PGGT1B: variants seen among roughly 807,000 people sequenced by gnomAD.
PGGT1B encodes geranylgeranyl transferase type-1 subunit beta.
Under a neutral mutation model 46.1 loss-of-function variants are expected in PGGT1B, and 30 were observed. That is an observed-to-expected ratio of 0.65 (90% CI 0.49 to 0.88). PGGT1B has a LOEUF of 0.88. Among genes scored for constraint, PGGT1B ranks in the 40% least tolerant of loss-of-function variants. PGGT1B has a pLI of 0.00. For synonymous variants in PGGT1B, 170 were observed against 160.0 expected (o/e 1.06, Z -0.47); for missense variants, 376 against 455.9 (o/e 0.82, Z 1.60).
At chr5:115,212,957 T>C (rs1756281817) in intron 8 of PGGT1B, among the ~76,000 whole-genome samples, 1 of 152,310 alleles carries the variant, frequency 6.6e-6, no homozygotes, top group South Asian at 2.1e-4. Flanking sequence ...GTAGCTTCAA[T>C]GCTATATCAT....
At chr5:115,245,230 CAATA>C (rs1747777241) in intron 2 of PGGT1B, among the ~76,000 whole-genome samples, 1 of 152,108 alleles carries the variant, frequency 6.6e-6, no homozygotes, top group Non-Finnish European at 1.5e-5. Flanking sequence ...AGTAGTGGCT[CAATA>C]AAATATCTGC....
chr5:115,262,436 G>C (rs745718810), intron 1 of PGGT1B: 52 of 467,550 alleles, frequency 1.1e-4, no homozygotes, highest in South Asian at 1.9e-4. Context: ...ACAGGCTATG[G>C]GAGCGGGTAA....
intron 3 of PGGT1B, among the ~76,000 whole-genome samples, chr5:115,238,882 A>G (rs1193139025): frequency 6.6e-6 from 1 of 152,168 alleles, no homozygotes; most frequent in Admixed American, 6.5e-5. Context: ...ACGGACCACT[A>G]GTTCTTTGGA....
chr5:115,219,626 G>A (rs113880455), intron 7 of PGGT1B, among the ~76,000 whole-genome samples: 24 of 151,798 alleles, frequency 1.6e-4, no homozygotes, highest in East Asian at 3.9e-4. Context: ...ACTTTTGTGC[G>A]TTAAAGGACA....
chr5:115,261,942 C>T (rs1221302041), intron 1 of PGGT1B, among the ~76,000 whole-genome samples: 3 of 152,180 alleles, frequency 2.0e-5, no homozygotes, highest in African/African-American at 4.8e-5. Context: ...CAAACTGATC[C>T]GGTCATGCAG....
rs868451165 is a variant in PGGT1B at position 115,211,262 on chromosome 5, C to T, written c.*1140G>A. 2.6e-5 allele frequency: 4 copies of T among 151,936 alleles called. No homozygotes were observed. The South Asian group carries it at 8.3e-4, about 32-fold the overall frequency. 9.4% of individuals were successfully genotyped at this position (151,936 alleles called of 1,614,324 possible). On this transcript the variant is annotated 3_prime_UTR_variant, in exon 9 of 9. Coordinates refer to ENST00000419445, the MANE Select transcript of PGGT1B (RefSeq NM_005023.4). ...CTAATGAAGAGTTTTTATACTACCT[C>T]CTTTATAATTAGCTAGTTCATAGAC...
chr5:115,257,962 T>C (rs966077945), intron 1 of PGGT1B, among the ~76,000 whole-genome samples: 1 of 152,232 alleles, frequency 6.6e-6, no homozygotes, highest in East Asian at 1.9e-4. Context: ...AAAGACTGCA[T>C]GAATTCTGGA....
At position 115,253,047 on chromosome 5, in the gene PGGT1B, G is replaced by A. The variant is rs999910638; in HGVS notation, c.259+90C>T. The A allele has an allele frequency of 3.8e-6, 4 of 1,063,216 alleles. No individual in the cohort carries two copies. In the African/African-American group the frequency reaches 5.2e-5, roughly 14 times the overall value. The allele number at this position is 1,063,216 out of a possible 1,614,324, so 65.9% of individuals were successfully genotyped here. ...CACAGATAAATAAAATATGTTAACA[G>A]TATACAAGTACTAAGATTTTCTAGT... On this transcript the variant is annotated intron_variant, in intron 2 of 8. Transcript: ENST00000419445.
At chr5:115,238,323 G>C (rs1373062337) in intron 3 of PGGT1B, among the ~76,000 whole-genome samples, 1 of 19,968 alleles carries the variant, frequency 5.0e-5, no homozygotes, top group Non-Finnish European at 9.0e-5. Flanking sequence ...TTTTTTTTTA[G>C]TAACAGGGTC....
At chr5:115,217,070 T>C (rs576271349) in intron 7 of PGGT1B, 97 bp from the exon 8 acceptor site, 4 of 662,816 alleles carry the variant, frequency 6.0e-6, no homozygotes, top group African/African-American at 5.5e-5. Flanking sequence ...TGCTTTTCTT[T>C]AGCTAAGGTG....
chr5:115,248,338 T>A (rs1747944751), intron 2 of PGGT1B, among the ~76,000 whole-genome samples: 2 of 152,234 alleles, frequency 1.3e-5, no homozygotes, highest in African/African-American at 4.8e-5. Flanking sequence ...TGCATTCTAA[T>A]CTTGTCTCTA....
chr5:115,216,315 T>C (rs563336084), intron 8 of PGGT1B, among the ~76,000 whole-genome samples: 241 of 152,192 alleles, frequency 1.6e-3, no homozygotes, highest in Non-Finnish European at 2.8e-3. Context: ...GATTTTTGTA[T>C]TTTTAGTAGA....
chr5:115,257,200 T>C (rs1391785334), intron 1 of PGGT1B, among the ~76,000 whole-genome samples: 2 of 151,914 alleles, frequency 1.3e-5, no homozygotes, highest in East Asian at 3.9e-4. Context: ...AAGACACGCA[T>C]ACCCCAAAGA....
At chr5:115,262,151 C>T (rs1748584282) in intron 1 of PGGT1B, among the ~76,000 whole-genome samples, 1 of 152,338 alleles carries the variant, frequency 6.6e-6, no homozygotes, top group Non-Finnish European at 1.5e-5. Flanking sequence ...CGCTTAGTCT[C>T]TGCCGCACCA....
intron 4 of PGGT1B, 143 bp from the exon 5 acceptor site, chr5:115,236,665 T>C (rs1003904982): frequency 7.8e-5 from 40 of 512,466 alleles, no homozygotes; most frequent in Non-Finnish European, 1.3e-4. Flanking sequence ...TATTCTACTT[T>C]TATTATTCAA....
intron 5 of PGGT1B, among the ~76,000 whole-genome samples, chr5:115,235,073 G>T (rs1192324828): frequency 6.6e-6 from 1 of 151,942 alleles, no homozygotes. Context: ...AAAAGTAGAA[G>T]ATAAACCTGG....
chr5:115,224,582 T>C (rs1490582974), intron 6 of PGGT1B, among the ~76,000 whole-genome samples: 1 of 152,156 alleles, frequency 6.6e-6, no homozygotes, highest in East Asian at 1.9e-4. Flanking sequence ...AAAACTAGTA[T>C]GTTAGGCTGG....
intron 7 of PGGT1B, among the ~76,000 whole-genome samples, chr5:115,221,467 T>G (rs112856603): frequency 6.6e-6 from 1 of 152,104 alleles, no homozygotes; most frequent in Non-Finnish European, 1.5e-5. Flanking sequence ...AAACCTTTAC[T>G]GCTATCATTT....
rs572796029 is a variant in PGGT1B, at chr5:115,208,047, C to A, written c.*4355G>T. 1.3e-5 allele frequency: 2 copies of A among 151,858 alleles called. No individual in the cohort carries two copies. The highest frequency in any genetic ancestry group is 3.9e-4 in the East Asian group (2 of 5,166). 9.4% of individuals were successfully genotyped at this position (151,858 alleles called of 1,614,324 possible). A position where few individuals can be genotyped will look rare whatever the true frequency, so the allele number is the denominator to read the frequency against. ...AACAGATTATCTAGTATTGAACTAC[C>A]CTTGCATTCTTACAATAAACCCAAC... is the stretch of plus-strand genomic sequence containing the variant. On this transcript the variant is annotated 3_prime_UTR_variant, in exon 9 of 9. Transcript: ENST00000419445.
Sources: allele counts gnomAD v4.1 joint callset (sites outside exome capture counted in the v4.1 genomes callset), GRCh38; gene constraint gnomAD v4.1.1; transcripts MANE v1.5; gene names NCBI Gene and HGNC (gene_info 2026-07-23, HGNC 2026-07-21).